Variants in TMEM232 observed in about 807,000 individuals in gnomAD.
TMEM232 encodes transmembrane protein 232.
Under a neutral mutation model 78.8 loss-of-function variants are expected in TMEM232, and 80 were observed. That is an observed-to-expected ratio of 1.01 (90% CI 0.85 to 1.22). TMEM232 has a LOEUF of 1.22. Among genes scored for constraint, TMEM232 ranks in the 50% most tolerant of loss-of-function variants. TMEM232 has a pLI of 0.00. For synonymous variants in TMEM232, 297 were observed against 254.3 expected (o/e 1.17, Z -1.60); for missense variants, 881 against 742.2 (o/e 1.19, Z -2.17).
chr5:110,698,065 A>G (rs1304135492), intron 1 of TMEM232, among the ~76,000 whole-genome samples: 2 of 152,236 alleles, frequency 1.3e-5, no homozygotes, highest in African/African-American at 2.4e-5. Flanking sequence ...AGACTGGATT[A>G]AGAAAATGTG....
intron 1 of TMEM232, among the ~76,000 whole-genome samples, chr5:110,687,988 T>C (rs749031443): frequency 1.3e-5 from 2 of 152,102 alleles, no homozygotes; most frequent in Non-Finnish European, 2.9e-5. Context: ...AGTAGAGACA[T>C]ATAGGTGATG....
chr5:110,389,269 A>T (rs1038764506), intron 4 of TMEM232, among the ~76,000 whole-genome samples: 1 of 91,094 alleles, frequency 1.1e-5, no homozygotes, highest in Admixed American at 1.0e-4. Flanking sequence ...TCAAACAAAC[A>T]AACAAAACAA....
At chr5:110,575,691 C>T (rs1777495047) in intron 10 of TMEM232, among the ~76,000 whole-genome samples, 1 of 151,932 alleles carries the variant, frequency 6.6e-6, no homozygotes, top group Non-Finnish European at 1.5e-5. Flanking sequence ...TGGTGGCCAA[C>T]CAGGGAGCAA....
At chr5:110,686,489 A>G (rs1002847802) in intron 1 of TMEM232, among the ~76,000 whole-genome samples, 12 of 152,056 alleles carry the variant, frequency 7.9e-5, no homozygotes, top group Admixed American at 5.9e-4. Flanking sequence ...ACATCAAACC[A>G]CATCCTGTGG....
intron 2 of TMEM232, among the ~76,000 whole-genome samples, chr5:110,654,992 G>A (rs1288614376): frequency 2.0e-5 from 3 of 152,120 alleles, no homozygotes; most frequent in African/African-American, 7.2e-5. Context: ...ACATAGGCAT[G>A]GGCAAGGACT....
At chr5:110,535,300 G>A (rs1048902271) in intron 11 of TMEM232, among the ~76,000 whole-genome samples, 2 of 151,904 alleles carry the variant, frequency 1.3e-5, no homozygotes, top group African/African-American at 4.8e-5. Flanking sequence ...ATACTGACTC[G>A]AAAGCTCCCC....
chr5:110,546,736 G>T (rs1004259066), intron 11 of TMEM232, among the ~76,000 whole-genome samples: 1 of 152,106 alleles, frequency 6.6e-6, no homozygotes, highest in Non-Finnish European at 1.5e-5. Flanking sequence ...AGTAGTGAGA[G>T]AGTGTCTGAA....
At chr5:110,557,614 A>G (rs2149642218) in intron 11 of TMEM232, among the ~76,000 whole-genome samples, 1 of 152,302 alleles carries the variant, frequency 6.6e-6, no homozygotes, top group South Asian at 2.1e-4. Flanking sequence ...TGGAAGGGAA[A>G]GGGGAAGCAG....
intron 8 of TMEM232, among the ~76,000 whole-genome samples, chr5:110,610,768 T>C (rs1325471823): frequency 1.3e-5 from 2 of 152,078 alleles, no homozygotes; most frequent in Admixed American, 1.3e-4. Flanking sequence ...TTTAGAAATT[T>C]GAAGGGGGAA....
At chr5:110,484,384 T>C (rs756926381) in intron 12 of TMEM232, among the ~76,000 whole-genome samples, 6 of 151,608 alleles carry the variant, frequency 4.0e-5, no homozygotes, top group Admixed American at 6.6e-5. Context: ...AAATACCTAT[T>C]TAACAAAAAA....
chr5:110,726,084 C>A (rs1461878582), intron 1 of TMEM232, among the ~76,000 whole-genome samples: 4 of 148,028 alleles, frequency 2.7e-5, no homozygotes. Context: ...TATTACACAT[C>A]TCCAATATAC....
At chr5:110,545,951 A>G (rs1239123662) in intron 11 of TMEM232, among the ~76,000 whole-genome samples, 1 of 152,170 alleles carries the variant, frequency 6.6e-6, no homozygotes, top group African/African-American at 2.4e-5. Flanking sequence ...CAAACAAAGC[A>G]CATCAATTAA....
In TMEM232 at chr5:110,688,224, T is replaced by C. The variant is rs543724198; in HGVS notation, c.-12-20860A>G. Among the ~76,000 whole-genome samples, 40 of 152,258 alleles carry C rather than the reference T, an allele frequency of 2.6e-4. No homozygotes were observed. In the South Asian group the frequency reaches 5.8e-3, roughly 22 times the overall value. ...TTTCATTTCTATATGGATAACCATA[T>C]AGATACATAGAGACATAGGTAGTTG... On this transcript the variant is annotated intron_variant, in intron 1 of 13. Transcript: ENST00000455884.
At chr5:110,700,786 G>GTAGA (rs34938658) in intron 1 of TMEM232, among the ~76,000 whole-genome samples, 31,375 of 142,408 alleles carry the variant, frequency 0.22, 3,450 homozygotes, top group Admixed American at 0.25. Context: ...AGATAGATAG[G>GTAGA]TAGATAGATA....
chr5:110,631,321 G>A (rs1191490954), intron 5 of TMEM232, among the ~76,000 whole-genome samples: 2 of 152,160 alleles, frequency 1.3e-5, no homozygotes, highest in Non-Finnish European at 2.9e-5. Flanking sequence ...CACTGCCTCA[G>A]CAGTAGCACA....
At chr5:110,683,510 C>T (rs1793016031) in intron 1 of TMEM232, among the ~76,000 whole-genome samples, 1 of 151,652 alleles carries the variant, frequency 6.6e-6, no homozygotes, top group South Asian at 2.1e-4. Context: ...AAAAGAATAA[C>T]CAGCACGCTT....
At chr5:110,430,538 C>T (rs1757716044) in intron 12 of TMEM232, among the ~76,000 whole-genome samples, 1 of 151,634 alleles carries the variant, frequency 6.6e-6, no homozygotes, top group African/African-American at 2.4e-5. Context: ...AATCAGCAAA[C>T]AATAGCAATA....
intron 1 of TMEM232, among the ~76,000 whole-genome samples, chr5:110,693,547 A>G (rs1399755250): frequency 2.6e-5 from 4 of 152,198 alleles, no homozygotes; most frequent in Admixed American, 2.6e-4. Flanking sequence ...AAGAAGTTAA[A>G]AACCCTGAAA....
intron 12 of TMEM232, among the ~76,000 whole-genome samples, chr5:110,521,505 G>A (rs982927463): frequency 6.6e-6 from 1 of 152,140 alleles, no homozygotes; most frequent in African/African-American, 2.4e-5. Context: ...GAGTTTTGGT[G>A]TCATATTCAA....
Sources: allele counts gnomAD v4.1 joint callset (sites outside exome capture counted in the v4.1 genomes callset), GRCh38; gene constraint gnomAD v4.1.1; transcripts MANE v1.5; gene names NCBI Gene and HGNC (gene_info 2026-07-23, HGNC 2026-07-21).